The following CRADD variants were observed in gnomAD, a reference collection of about 807,000 sequenced individuals.
The protein encoded by CRADD is death domain-containing protein CRADD.
CRADD carries 9 observed loss-of-function variants against 15.5 expected under a neutral mutation model. The ratio of observed to expected loss-of-function variants is 0.58; its 90% CI spans 0.35 to 1.01. The LOEUF (loss-of-function observed/expected upper bound fraction) is 1.01. Among genes scored for constraint, CRADD ranks in the 50% least tolerant of loss-of-function variants. CRADD has a pLI of 0.02. For synonymous variants in CRADD, 118 were observed against 107.6 expected, an observed-to-expected ratio of 1.10 and a Z score of -0.60; for missense variants, 227 against 250.3, an observed-to-expected ratio of 0.91 and a Z score of 0.63.
intron 2 of CRADD, among the ~76,000 whole-genome samples, chr12:93,846,030 G>T (rs1247971204): frequency 6.6e-6 from 1 of 151,068 alleles, no homozygotes; most frequent in Admixed American, 6.6e-5. Context: ...AATAGAATCA[G>T]AAAGTATTTG....
intron 2 of CRADD, among the ~76,000 whole-genome samples, chr12:93,734,047 T>C (rs532563160): frequency 3.3e-5 from 5 of 152,158 alleles, no homozygotes; most frequent in Non-Finnish European, 7.4e-5. Flanking sequence ...GTCCATCCTT[T>C]TTTCCCTTCC....
intron 2 of CRADD, chr12:93,738,250 G>A (rs780533521): frequency 1.6e-6 from 1 of 637,304 alleles, no homozygotes; most frequent in East Asian, 2.7e-5. Context: ...GGGAGCTGGA[G>A]AAGAGAAGGG....
chr12:93,745,339 G>T (rs1422309974), intron 2 of CRADD, among the ~76,000 whole-genome samples: 1 of 152,200 alleles, frequency 6.6e-6, no homozygotes, highest in Non-Finnish European at 1.5e-5. Context: ...AAAATAAATG[G>T]ATGATCAACA....
chr12:93,882,135 A>G (rs934828425), intron 2 of CRADD, among the ~76,000 whole-genome samples: 1 of 148,520 alleles, frequency 6.7e-6, no homozygotes, highest in Non-Finnish European at 1.5e-5. Context: ...AAAAAAATTA[A>G]AAAAGGCCAG....
At chr12:93,808,089 G>C (rs1565921765) in intron 2 of CRADD, among the ~76,000 whole-genome samples, 1 of 151,842 alleles carries the variant, frequency 6.6e-6, no homozygotes. Context: ...TTCAGTGGGT[G>C]TCCTGGGAGT....
At chr12:93,763,116 C>T (rs1956987127) in intron 2 of CRADD, among the ~76,000 whole-genome samples, 1 of 152,226 alleles carries the variant, frequency 6.6e-6, no homozygotes, top group African/African-American at 2.4e-5. Context: ...CCTTTCCCTC[C>T]CTTGACAGAT....
chr12:93,799,174 T>C (rs1189386242), intron 2 of CRADD, among the ~76,000 whole-genome samples: 3 of 152,216 alleles, frequency 2.0e-5, no homozygotes, highest in African/African-American at 7.2e-5. Flanking sequence ...AAAAATTCTA[T>C]GAGAACTAGG....
At chr12:93,734,412 A>G (rs1339412108) in intron 2 of CRADD, among the ~76,000 whole-genome samples, 1 of 152,262 alleles carries the variant, frequency 6.6e-6, no homozygotes. Flanking sequence ...TAATAATGCT[A>G]TGAATAAAAC....
intron 2 of CRADD, among the ~76,000 whole-genome samples, chr12:93,846,288 A>G (rs1186337952): frequency 6.6e-6 from 1 of 152,180 alleles, no homozygotes; most frequent in Non-Finnish European, 1.5e-5. Flanking sequence ...TCTTTTGAGT[A>G]TATACCCAGA....
intron 2 of CRADD, among the ~76,000 whole-genome samples, chr12:93,693,389 C>T (rs572964251): frequency 5.3e-5 from 8 of 152,008 alleles, no homozygotes; most frequent in South Asian, 4.2e-4. Flanking sequence ...TGAAAATTAA[C>T]GGGTAGAAAA....
intron 2 of CRADD, among the ~76,000 whole-genome samples, chr12:93,779,795 G>C (rs908881142): frequency 1.3e-5 from 2 of 152,040 alleles, no homozygotes; most frequent in African/African-American, 2.4e-5. Context: ...CACCATGTTG[G>C]CCAGGCTGGT....
chr12:93,696,450 T>C (rs958126063), intron 2 of CRADD, among the ~76,000 whole-genome samples: 1 of 152,060 alleles, frequency 6.6e-6, no homozygotes, highest in Non-Finnish European at 1.5e-5. Flanking sequence ...TGAACCTAGG[T>C]GATATTATGC....
At chr12:93,740,301 T>C (rs947288588) in intron 2 of CRADD, among the ~76,000 whole-genome samples, 7 of 152,168 alleles carry the variant, frequency 4.6e-5, no homozygotes, top group African/African-American at 7.2e-5. Flanking sequence ...AGAACAACTT[T>C]TTTTCTCAAC....
At chr12:93,839,812 T>C (rs1958026686) in intron 2 of CRADD, among the ~76,000 whole-genome samples, 1 of 152,222 alleles carries the variant, frequency 6.6e-6, no homozygotes, top group Non-Finnish European at 1.5e-5. Flanking sequence ...CCAGCCTAGA[T>C]AGTGTTTCCC....
chr12:93,690,359 G>A (rs1191427992), intron 2 of CRADD, among the ~76,000 whole-genome samples: 1 of 152,222 alleles, frequency 6.6e-6, no homozygotes, highest in Non-Finnish European at 1.5e-5. Flanking sequence ...ACAAATGATA[G>A]CCCTTTAAGG....
Position 93,781,898 on chromosome 12 carries a change from C to G in CRADD, c.299-68072C>G, listed in dbSNP as rs549195473. On this transcript the variant is annotated intron_variant, in intron 2 of 2. Coordinates refer to ENST00000332896, the MANE Select transcript of CRADD (RefSeq NM_003805.5). ...AGTAGAGATGGGGAACTGTTAAGTA[C>G]TGTAAACTAGTTCAACCATTGTGGA... 1.1e-3 allele frequency among the ~76,000 whole-genome samples: 166 copies of G among 152,326 alleles called. 1 individual carries two copies. In the Middle Eastern group the frequency reaches 0.02, roughly 19 times the overall value.
At chr12:93,892,821 G>A (rs767728043) in intron 2 of CRADD, among the ~76,000 whole-genome samples, 2 of 152,170 alleles carry the variant, frequency 1.3e-5, no homozygotes, top group Non-Finnish European at 2.9e-5. Context: ...TTGGCCACTA[G>A]GGAAATAGAA....
At chr12:93,695,488 C>G (rs1415802425) in intron 2 of CRADD, among the ~76,000 whole-genome samples, 2 of 152,102 alleles carry the variant, frequency 1.3e-5, no homozygotes, top group Non-Finnish European at 2.9e-5. Flanking sequence ...CAGGAAACAA[C>G]AGAGTAAAGA....
intron 2 of CRADD, among the ~76,000 whole-genome samples, chr12:93,868,237 C>A (rs1222317704): frequency 6.6e-6 from 1 of 152,100 alleles, no homozygotes; most frequent in African/African-American, 2.4e-5. Flanking sequence ...AAACTGAACA[C>A]AACCAAAATG....
Sources: allele counts gnomAD v4.1 joint callset (sites outside exome capture counted in the v4.1 genomes callset), GRCh38; gene constraint gnomAD v4.1.1; transcripts MANE v1.5; gene names NCBI Gene and HGNC (gene_info 2026-07-23, HGNC 2026-07-21).